KCNE4: variants seen among roughly 807,000 people sequenced by gnomAD.
The protein encoded by KCNE4 is potassium voltage-gated channel subfamily E regulatory subunit 4.
Under a neutral mutation model 9.2 loss-of-function variants are expected in KCNE4, and 6 were observed. The ratio of observed to expected loss-of-function variants is 0.65; its 90% confidence interval spans 0.36 to 1.29. KCNE4 has a LOEUF of 1.29. KCNE4 is among the 50% of genes most tolerant of loss of function. The probability of loss-of-function intolerance (pLI) is 0.03; values close to 1 mark genes in which losing one functional copy is unlikely to be tolerated. For missense variants in KCNE4, 222 were observed against 228.8 expected (o/e 0.97, Z 0.19); for synonymous variants, 115 against 103.2 (o/e 1.11, Z -0.70).
At position 223,053,256 on chromosome 2, in the gene KCNE4, G is replaced by A. The variant is rs1559332491; in HGVS notation, c.426G>A (p.Gly142=). 2 of 1,613,958 alleles carry A rather than the reference G, an allele frequency of 1.2e-6. No homozygotes were observed. The highest frequency in any genetic ancestry group is 2.2e-5 in the East Asian group (1 of 44,864). The change falls in exon 2 of 2, where the codon GGG becomes GGA. Residue 142 remains glycine, a synonymous_variant. Coordinates refer to ENST00000281830, the MANE Select transcript of KCNE4 (RefSeq NM_080671.4). This position sits in a 1 kb window ranked among gnomAD's most constrained non-coding sequence, Gnocchi z 4.1. The stretch of plus-strand genomic sequence containing the variant: ...TGCACCTCACCATTCAGGAGGAGGG[G>A]GCAGACGATGAGCTGGAGGAGACCT... ...PDVHLTIQEE[G]ADDELEETSE... is the part of the protein sequence containing the mutation.
chr2:223,052,348 T>G, intron 1 of KCNE4, 74 bp downstream of exon 1: 1 of 1,070,804 alleles, frequency 9.3e-7, no homozygotes, highest in Non-Finnish European at 1.2e-6. Flanking sequence ...AATAGATGAA[T>G]TTTTTTCCTT....
rs745820241 is a variant in KCNE4, at chr2:223,052,793, C to T, written c.-23-15C>T. ...GGACCTGGGGGAGAGTTCTAACCTG[C>T]GGCTTTTTCCCCAGCCCCTGCTGTG... On this transcript the variant is annotated splice_polypyrimidine_tract_variant and intron_variant, in intron 1 of 1. Transcript: ENST00000281830. The T allele has an allele frequency of 5.6e-6, 9 of 1,603,698 alleles. No homozygotes were observed. Among genetic ancestry groups the T allele is most frequent in the South Asian group, 1.1e-5 (1 of 90,874 alleles).
chr2:223,053,088 G>A lies in KCNE4; in HGVS notation c.258G>A (p.Pro86=), dbSNP rs545347626. The part of the protein sequence containing the change: ...EERLWGEAMK[P]LPVVSGLRSV... ...GGCTCTGGGGGGAGGCCATGAAGCC[G>A]CTGCCTGTGGTGTCGGGCCTGAGGT... is the stretch of plus-strand genomic sequence containing the variant. Residue 86 remains proline (P), a synonymous_variant, in exon 2 of 2, where the codon CCG becomes CCA. Coordinates refer to ENST00000281830, the MANE Select transcript of KCNE4 (RefSeq NM_080671.4). This position sits in a 1 kb window ranked among gnomAD's most constrained non-coding sequence, Gnocchi z 4.1. The A allele has an allele frequency of 8.7e-6, 14 of 1,613,932 alleles. 1 individual carries two copies. The highest frequency in any genetic ancestry group is 6.7e-5 in the Admixed American group (4 of 60,024).
chr2:223,052,733 C>T, intron 1 of KCNE4, 75 bp from the exon 2 acceptor site: 3 of 1,535,018 alleles, frequency 2.0e-6, no homozygotes, highest in Non-Finnish European at 2.6e-6. Flanking sequence ...ATTGCAGTTC[C>T]ACAAACCTCG....
Position 223,053,092 on chromosome 2 carries a change from C to A in KCNE4, c.262C>A (p.Pro88Thr), listed in dbSNP as rs1289679895. 1.2e-6 allele frequency: 2 copies of A among 1,613,844 alleles called. No individual in the cohort carries two copies. Among genetic ancestry groups the A allele is most frequent in the Middle Eastern group, 1.6e-4 (1 of 6,084 alleles). ...RLWGEAMKPL[P>T]VVSGLRSVQV... ...CTGGGGGGAGGCCATGAAGCCGCTG[C>A]CTGTGGTGTCGGGCCTGAGGTCGGT... Residue 88 changes from proline to threonine, a missense_variant, in exon 2 of 2, where the codon CCT becomes ACT. Coordinates refer to ENST00000281830, the MANE Select transcript of KCNE4 (RefSeq NM_080671.4). This position sits in a 1 kb window ranked among gnomAD's most constrained non-coding sequence, Gnocchi z 4.1.
rs913956493 is a variant in KCNE4 at position 223,055,107 on chromosome 2, C to G, written c.*1764C>G. The G allele has an allele frequency of 6.2e-6, 1 of 161,984 alleles. No individual in the cohort carries two copies. Among genetic ancestry groups the G allele is most frequent in the Admixed American group, 6.6e-5 (1 of 15,220 alleles). 10.0% of individuals were successfully genotyped at this position (161,984 alleles called of 1,614,324 possible). A position where few individuals can be genotyped will look rare whatever the true frequency, so the allele number is the denominator to read the frequency against. The stretch of plus-strand genomic sequence containing the variant: ...TCCTGGCCTTAAATGATCCTCCCAC[C>G]TCGGCCTCCCAAAGTGCTGGGATTA... On this transcript the variant is annotated 3_prime_UTR_variant, in exon 2 of 2. Transcript: ENST00000281830.
Position 223,054,637 on chromosome 2 carries a change from A to T in KCNE4, c.*1294A>T, listed in dbSNP as rs908589832. 2 of 167,052 alleles carry T rather than the reference A, an allele frequency of 1.2e-5. No individual in the cohort carries two copies. The highest frequency in any genetic ancestry group is 1.3e-4 in the Admixed American group (2 of 15,282). The allele number at this position is 167,052 out of a possible 1,614,324, so 10.3% of individuals were successfully genotyped here. A position where few individuals can be genotyped will look rare whatever the true frequency, so the allele number is the denominator to read the frequency against. On this transcript the variant is annotated 3_prime_UTR_variant, in exon 2 of 2. Coordinates refer to ENST00000281830, the MANE Select transcript of KCNE4 (RefSeq NM_080671.4). ...GGACTGAAGGAAAGAGGCAGACACC[A>T]CATTCTCCTCTGCAAAGTTCTCTGG...
In KCNE4 at chr2:223,053,302, A is replaced by G; in HGVS notation, c.472A>G (p.Ser158Gly). 6.2e-7 allele frequency: 1 copy of G among 1,613,912 alleles called. No homozygotes were observed. The highest frequency in any genetic ancestry group is 8.5e-7 in the Non-Finnish European group (1 of 1,179,938). ...EETSETPLNE[S>G]SEGSSENIHQ... Reference sequence around the variant, plus strand: ...GACCTCGGAGACGCCCCTCAACGAGAGCAGCGAAGGGTCCTCGGAGAACAT... The same window carrying G: ...GACCTCGGAGACGCCCCTCAACGAGGGCAGCGAAGGGTCCTCGGAGAACAT... Residue 158 changes from serine to glycine, a missense_variant, in exon 2 of 2, where the codon AGC becomes GGC. Physicochemically the swap from Ser to Gly is moderately conservative, Grantham distance 56 (BLOSUM62 0). Coordinates refer to ENST00000281830, the MANE Select transcript of KCNE4 (RefSeq NM_080671.4). The surrounding 1 kb of genome is among the most constrained non-coding windows in gnomAD (Gnocchi z 4.1).
chr2:223,055,256 T>C lies in KCNE4; in HGVS notation c.*1913T>C, dbSNP rs567911900. The C allele has an allele frequency of 6.0e-6, 1 of 167,158 alleles. No individual in the cohort carries two copies. The highest frequency in any genetic ancestry group is 2.1e-4 in the South Asian group (1 of 4,828). 10.4% of individuals were successfully genotyped at this position (167,158 alleles called of 1,614,324 possible). A position where few individuals can be genotyped will look rare whatever the true frequency, so the allele number is the denominator to read the frequency against. ...GGTTAACAGTGTAGGAGCTGGTTTA[T>C]CAGTCCGCTTTGACATACAGCTAAA... On this transcript the variant is annotated 3_prime_UTR_variant, in exon 2 of 2. Coordinates refer to ENST00000281830, the MANE Select transcript of KCNE4 (RefSeq NM_080671.4).
In KCNE4 at chr2:223,052,911, C is replaced by G. The variant is rs3795886; in HGVS notation, c.81C>G (p.Gly27=). ...SSSPLESRAA[G]GGSGNGNEYF... is the part of the protein sequence containing the mutation. Reference sequence around the variant, plus strand: ...GCCCCCTGGAGTCCCGTGCGGCCGGCGGCGGCAGCGGCAATGGCAACGAGT... The same window carrying G: ...GCCCCCTGGAGTCCCGTGCGGCCGGGGGCGGCAGCGGCAATGGCAACGAGT... Residue 27 remains glycine, a synonymous_variant, in exon 2 of 2, where the codon GGC becomes GGG. Coordinates refer to ENST00000281830, the MANE Select transcript of KCNE4 (RefSeq NM_080671.4). 6.2e-7 allele frequency: 1 copy of G among 1,613,900 alleles called. No individual in the cohort carries two copies.
At position 223,052,864 on chromosome 2, in the gene KCNE4, C is replaced by T; in HGVS notation, c.34C>T (p.Pro12Ser). 1 of 1,613,488 alleles carries T rather than the reference C, an allele frequency of 6.2e-7. No individual in the cohort carries two copies. The highest frequency in any genetic ancestry group is 8.5e-7 in the Non-Finnish European group (1 of 1,179,958). The change falls in exon 2 of 2, where the codon CCC (proline) becomes TCC (serine). Residue 12 changes from proline (P) to serine (S), a missense_variant. Pro to Ser is a moderately conservative substitution (Grantham distance 74). Coordinates refer to ENST00000281830, the MANE Select transcript of KCNE4 (RefSeq NM_080671.4). ...AATGGAGCCTCTGAACAGCACGCAC[C>T]CCGGCACCGCCGCCTCCAGCAGCCC... The part of the protein sequence containing the change: ...LKMEPLNSTH[P>S]GTAASSSPLE...
In KCNE4 at chr2:223,053,741, T is replaced by C. The variant is rs1698728979; in HGVS notation, c.*398T>C. 3.8e-6 allele frequency: 1 copy of C among 260,638 alleles called. No homozygotes were observed. Among genetic ancestry groups the C allele is most frequent in the Non-Finnish European group, 8.1e-6 (1 of 122,920 alleles). 16.1% of individuals were successfully genotyped at this position (260,638 alleles called of 1,614,324 possible). ...TTAGGACACGCTGAGAGACTAGTTGTGATTTGCTATTTTGCCTAGAGCTTT... is the reference window on the plus strand; with the variant it reads ...TTAGGACACGCTGAGAGACTAGTTGCGATTTGCTATTTTGCCTAGAGCTTT... On this transcript the variant is annotated 3_prime_UTR_variant, in exon 2 of 2. Transcript: ENST00000281830. This position sits in a 1 kb window ranked among gnomAD's most constrained non-coding sequence, Gnocchi z 4.1.
Position 223,054,395 on chromosome 2 carries a change from C to A in KCNE4, c.*1052C>A, listed in dbSNP as rs1698737876. The A allele has an allele frequency of 6.0e-6, 1 of 167,078 alleles. No individual in the cohort carries two copies. The highest frequency in any genetic ancestry group is 1.5e-5 in the Non-Finnish European group (1 of 68,126). 10.3% of individuals were successfully genotyped at this position (167,078 alleles called of 1,614,324 possible). A position where few individuals can be genotyped will look rare whatever the true frequency, so the allele number is the denominator to read the frequency against. Reference sequence around the variant, plus strand: ...GTCTGCATGAGGCTCCCGACGATCTCCATCCCCAGGGGGTTGGGAGGATGT... The same window carrying A: ...GTCTGCATGAGGCTCCCGACGATCTACATCCCCAGGGGGTTGGGAGGATGT... On this transcript the variant is annotated 3_prime_UTR_variant, in exon 2 of 2. Coordinates refer to ENST00000281830, the MANE Select transcript of KCNE4 (RefSeq NM_080671.4).
chr2:223,052,389 G>A, intron 1 of KCNE4, 115 bp downstream of exon 1: 1 of 823,666 alleles, frequency 1.2e-6, no homozygotes, highest in Non-Finnish European at 1.6e-6. Flanking sequence ...TTGTTCTAAG[G>A]AAACATTGTT....
In KCNE4 at chr2:223,052,931, A is replaced by G. The variant is rs1698716687; in HGVS notation, c.101A>G (p.Asn34Ser). ...RAAGGGSGNG[N>S]EYFYILVVMS... Reference sequence around the variant, plus strand: ...GCCGGCGGCGGCAGCGGCAATGGCAACGAGTACTTCTACATTCTGGTTGTC... The same window carrying G: ...GCCGGCGGCGGCAGCGGCAATGGCAGCGAGTACTTCTACATTCTGGTTGTC... Residue 34 changes from asparagine (N) to serine (S), a missense_variant, in exon 2 of 2, where the codon AAC becomes AGC. Transcript: ENST00000281830. 1 of 1,614,204 alleles carries G rather than the reference A, an allele frequency of 6.2e-7. No homozygotes were observed. Among genetic ancestry groups the G allele is most frequent in the South Asian group, 1.1e-5 (1 of 91,088 alleles).
In KCNE4 at chr2:223,053,258, C is replaced by T. The variant is rs1254405707; in HGVS notation, c.428C>T (p.Ala143Val). Residue 143 changes from alanine to valine, a missense_variant, in exon 2 of 2, where the codon GCA (alanine) becomes GTA (valine). Physicochemically the swap from Ala to Val is moderately conservative, Grantham distance 64. Coordinates refer to ENST00000281830, the MANE Select transcript of KCNE4 (RefSeq NM_080671.4). This position sits in a 1 kb window ranked among gnomAD's most constrained non-coding sequence, Gnocchi z 4.1. ...CACCTCACCATTCAGGAGGAGGGGGCAGACGATGAGCTGGAGGAGACCTCG... is the reference window on the plus strand; with the variant it reads ...CACCTCACCATTCAGGAGGAGGGGGTAGACGATGAGCTGGAGGAGACCTCG... ...DVHLTIQEEG[A>V]DDELEETSET... is the part of the protein sequence containing the mutation. 1.2e-6 allele frequency: 2 copies of T among 1,613,808 alleles called. No homozygotes were observed. Among genetic ancestry groups the T allele is most frequent in the African/African-American group, 2.7e-5 (2 of 74,918 alleles).
At position 223,053,349 on chromosome 2, in the gene KCNE4, C is replaced by G. The variant is rs753126328; in HGVS notation, c.*6C>G. On this transcript the variant is annotated 3_prime_UTR_variant, in exon 2 of 2. Coordinates refer to ENST00000281830, the MANE Select transcript of KCNE4 (RefSeq NM_080671.4). This position sits in a 1 kb window ranked among gnomAD's most constrained non-coding sequence, Gnocchi z 4.1. ...ACATCCATCAGAATTCCTAGCACCC[C>G]CGGGACCCCTGCCGGTGGCTCCATC... 6.2e-7 allele frequency: 1 copy of G among 1,612,364 alleles called. No homozygotes were observed.
chr2:223,054,864 T>G lies in KCNE4; in HGVS notation c.*1521T>G, dbSNP rs1436458693. On this transcript the variant is annotated 3_prime_UTR_variant, in exon 2 of 2. Coordinates refer to ENST00000281830, the MANE Select transcript of KCNE4 (RefSeq NM_080671.4). ...TAAAAAAATTATTTATTTATTATTA[T>G]TTTTTATTTTTAAGACAGAATCTCG... 6.0e-6 allele frequency: 1 copy of G among 166,558 alleles called. No homozygotes were observed. The highest frequency in any genetic ancestry group is 1.5e-5 in the Non-Finnish European group (1 of 68,104). 10.3% of individuals were successfully genotyped at this position (166,558 alleles called of 1,614,324 possible).
chr2:223,052,984 G>C lies in KCNE4; in HGVS notation c.154G>C (p.Gly52Arg). ...VMSFYGIFLI[G>R]IMLGYMKSKR... ...GTCCTTCTACGGCATTTTCTTGATC[G>C]GAATCATGCTGGGCTACATGAAATC... The change falls in exon 2 of 2, where the codon GGA (glycine) becomes CGA (arginine). Residue 52 changes from glycine (G) to arginine (R), a missense_variant. By Grantham distance (125) the Gly-to-Arg change is moderately radical. Transcript: ENST00000281830. 6.2e-7 allele frequency: 1 copy of C among 1,614,190 alleles called. No individual in the cohort carries two copies. The highest frequency in any genetic ancestry group is 8.5e-7 in the Non-Finnish European group (1 of 1,180,016).
Sources: gnomAD v4.1 joint callset for allele counts on GRCh38, gnomAD v4.1.1 for gene constraint, Gnocchi (gnomAD v3.1) non-coding constraint, MANE v1.5 for transcripts, NCBI Gene and HGNC (gene_info 2026-07-23, HGNC 2026-07-21) for gene names.